DCLK2: variants seen among roughly 807,000 people sequenced by gnomAD.
DCLK2 encodes the protein serine/threonine-protein kinase DCLK2.
A neutral mutation model predicts 78.4 loss-of-function variants in DCLK2; 31 were observed. The observed-to-expected ratio is 0.40, with a 90% CI of 0.30 to 0.53. The LOEUF (loss-of-function observed/expected upper bound fraction) is 0.53, where lower values mean the gene tolerates loss of function less well. Ranked by LOEUF, DCLK2 falls within the 20% of genes least tolerant of loss-of-function variation. The pLI is 0.61. For missense variants in DCLK2, 872 were observed against 973.7 expected (o/e 0.90, Z 1.39); for synonymous variants, 407 against 374.9 (o/e 1.09, Z -0.99).
At chr4:150,193,469 T>A (rs1388175839) in intron 3 of DCLK2, among the ~76,000 whole-genome samples, 1 of 152,232 alleles carries the variant, frequency 6.6e-6, no homozygotes, top group Non-Finnish European at 1.5e-5. Context: ...CAATGCCTAA[T>A]TCAAGTAGTT....
chr4:150,231,679 T>G (rs555477502), intron 8 of DCLK2, among the ~76,000 whole-genome samples: 74 of 152,284 alleles, frequency 4.9e-4, no homozygotes, highest in African/African-American at 1.7e-3. Context: ...TCAGGTGGTG[T>G]TTTCAGAGGA....
intron 2 of DCLK2, among the ~76,000 whole-genome samples, chr4:150,140,358 C>T (rs1193592034): frequency 2.1e-5 from 3 of 140,614 alleles, no homozygotes; most frequent in Non-Finnish European, 4.5e-5. Flanking sequence ...TGTAATAGGC[C>T]TCCCCCAGCA....
intron 2 of DCLK2, among the ~76,000 whole-genome samples, chr4:150,170,008 A>G (rs1684338013): frequency 6.6e-6 from 1 of 152,222 alleles, no homozygotes; most frequent in African/African-American, 2.4e-5. Flanking sequence ...CTAGGTATCC[A>G]GTATTTTATC....
chr4:150,167,676 T>C (rs1315806497), intron 2 of DCLK2, among the ~76,000 whole-genome samples: 2 of 152,086 alleles, frequency 1.3e-5, no homozygotes, highest in Non-Finnish European at 2.9e-5. Flanking sequence ...CATCAAGTGA[T>C]GGTCAGGCAG....
At chr4:150,096,438 G>A (rs926103666) in intron 1 of DCLK2, among the ~76,000 whole-genome samples, 2 of 152,116 alleles carry the variant, frequency 1.3e-5, no homozygotes, top group African/African-American at 4.8e-5. Context: ...AAATGTCATC[G>A]ATGTTTGATT....
chr4:150,240,767 AAGAAAAAAAAAAATC>A (rs1742867111), intron 12 of DCLK2, among the ~76,000 whole-genome samples: 1 of 81,664 alleles, frequency 1.2e-5, no homozygotes, highest in Non-Finnish European at 2.9e-5. Flanking sequence ...AAAAAAGAAA[AAGAAAAAAAAAAATC>A]AGAAAAAAAA....
At chr4:150,119,753 G>GA (rs1031386875) in intron 2 of DCLK2, among the ~76,000 whole-genome samples, 28 of 143,506 alleles carry the variant, frequency 2.0e-4, no homozygotes, top group Admixed American at 2.1e-4. Context: ...TTAGCAGGGA[G>GA]AAAAAAAAAA....
At chr4:150,250,445 C>T (rs1443531837) in intron 15 of DCLK2, among the ~76,000 whole-genome samples, 2 of 152,100 alleles carry the variant, frequency 1.3e-5, no homozygotes, top group African/African-American at 4.8e-5. Context: ...GGCGGGAAGG[C>T]CAGCTCACCG....
rs140108507 is a variant in DCLK2, at chr4:150,241,488, C to G, written c.1778+1012C>G. On this transcript the variant is annotated intron_variant, in intron 12 of 15. Transcript: ENST00000296550. The stretch of plus-strand genomic sequence containing the variant: ...CTGTTTTCTTCTGAGTTTTCTTGAC[C>G]TCTTTTCACTTTAATCTCTTCCCTT... Among the ~76,000 whole-genome samples the G allele has an allele frequency of 2.9e-4, 44 of 152,282 alleles. 1 individual carries two copies. In the East Asian group the frequency reaches 7.3e-3, roughly 25 times the overall value.
At chr4:150,160,240 A>C (rs1394509736) in intron 2 of DCLK2, among the ~76,000 whole-genome samples, 1 of 151,826 alleles carries the variant, frequency 6.6e-6, no homozygotes, top group Non-Finnish European at 1.5e-5. Context: ...CTGGTCTCCA[A>C]CTCCTGAGCT....
At chr4:150,171,621 TAACTG>T (rs1258753441) in intron 2 of DCLK2, among the ~76,000 whole-genome samples, 1 of 152,244 alleles carries the variant, frequency 6.6e-6, no homozygotes, top group Non-Finnish European at 1.5e-5. Context: ...ATTGTAGTGT[TAACTG>T]GAGTGGGCCT....
chr4:150,154,384 A>G (rs1735111048), intron 2 of DCLK2, among the ~76,000 whole-genome samples: 1 of 152,212 alleles, frequency 6.6e-6, no homozygotes, highest in African/African-American at 2.4e-5. Context: ...GTATGCAAAG[A>G]TAAACCAGAT....
intron 2 of DCLK2, among the ~76,000 whole-genome samples, chr4:150,168,540 C>T (rs1233378038): frequency 6.6e-6 from 1 of 152,086 alleles, no homozygotes; most frequent in Admixed American, 6.5e-5. Flanking sequence ...ATTCTTTCTT[C>T]TGAGGAGGTA....
intron 1 of DCLK2, among the ~76,000 whole-genome samples, chr4:150,081,930 G>A (rs563637991): frequency 2.7e-5 from 4 of 150,264 alleles, no homozygotes; most frequent in East Asian, 1.9e-4. Flanking sequence ...CCCAGGAGGC[G>A]GAGGTTGCAG....
chr4:150,098,048 G>T (rs1488869165), intron 1 of DCLK2, among the ~76,000 whole-genome samples: 1 of 152,150 alleles, frequency 6.6e-6, no homozygotes, highest in East Asian at 1.9e-4. Flanking sequence ...TAGTAAGAGG[G>T]TGTTAGAACC....
chr4:150,174,996 GCAA>G (rs1371372590), intron 2 of DCLK2, among the ~76,000 whole-genome samples: 1 of 3,530 alleles, frequency 2.8e-4, no homozygotes, highest in African/African-American at 1.1e-3. Flanking sequence ...AGACTCCGTC[GCAA>G]AAAAAAAAAA....
chr4:150,082,423 G>A (rs1729365327), intron 1 of DCLK2, among the ~76,000 whole-genome samples: 1 of 152,160 alleles, frequency 6.6e-6, no homozygotes, highest in South Asian at 2.1e-4. Context: ...GAACTCAGAT[G>A]ACAAAAGAAA....
chr4:150,087,177 G>A (rs1729707645), intron 1 of DCLK2, among the ~76,000 whole-genome samples: 1 of 152,122 alleles, frequency 6.6e-6, no homozygotes, highest in South Asian at 2.1e-4. Flanking sequence ...TTTCCTTATA[G>A]ACTAAAGGAA....
At chr4:150,174,342 G>C (rs1246006171) in intron 2 of DCLK2, among the ~76,000 whole-genome samples, 1 of 152,168 alleles carries the variant, frequency 6.6e-6, no homozygotes, top group Non-Finnish European at 1.5e-5. Context: ...ATATTCCCAA[G>C]GTGGTCTCCT....
Sources: gnomAD v4.1 joint callset for allele counts (sites outside exome capture counted in the v4.1 genomes callset) on GRCh38, gnomAD v4.1.1 for gene constraint, MANE v1.5 for transcripts, NCBI Gene and HGNC (gene_info 2026-07-23, HGNC 2026-07-21) for gene names.